BRINP3: variants seen among roughly 807,000 people sequenced by gnomAD.
The protein encoded by BRINP3 is BMP/retinoic acid-inducible neural-specific protein 3.
Under a neutral mutation model 71.0 loss-of-function variants are expected in BRINP3, and 19 were observed. The observed-to-expected ratio is 0.27, with a 90% CI of 0.19 to 0.39. BRINP3 has a LOEUF of 0.39. BRINP3 is among the 10% of genes least tolerant of loss of function. The probability of loss-of-function intolerance (pLI) is 1.00; values close to 1 mark genes in which losing one functional copy is unlikely to be tolerated. For synonymous variants in BRINP3, 380 were observed against 337.7 expected, an observed-to-expected ratio of 1.13 and a Z score of -1.37; for missense variants, 959 against 940.8, an observed-to-expected ratio of 1.02 and a Z score of -0.25.
chr1:190,315,188 A>T (rs1665799425), intron 2 of BRINP3, among the ~76,000 whole-genome samples: 1 of 152,126 alleles, frequency 6.6e-6, no homozygotes. Context: ...AAATGTAATA[A>T]AGGAAGCACA....
At chr1:190,428,943 G>A (rs1673906621) in intron 2 of BRINP3, among the ~76,000 whole-genome samples, 2 of 152,126 alleles carry the variant, frequency 1.3e-5, no homozygotes, top group Non-Finnish European at 2.9e-5. Flanking sequence ...AAAGGCCTTA[G>A]GTTTAAGATC....
At chr1:190,173,253 C>G (rs1358924045) in intron 6 of BRINP3, among the ~76,000 whole-genome samples, 2 of 152,150 alleles carry the variant, frequency 1.3e-5, no homozygotes, top group Admixed American at 1.3e-4. Flanking sequence ...CTTGCAGCAT[C>G]TGGTGTATAC....
chr1:190,208,663 T>C (rs1655725644), intron 6 of BRINP3, among the ~76,000 whole-genome samples: 1 of 151,738 alleles, frequency 6.6e-6, no homozygotes, highest in Admixed American at 6.6e-5. Flanking sequence ...CCCAGCTAAT[T>C]TTTGTATTTT....
At chr1:190,234,276 T>G in intron 5 of BRINP3, 96 bp downstream of exon 5, 2 of 711,818 alleles carry the variant, frequency 2.8e-6, no homozygotes, top group East Asian at 2.7e-5. Context: ...ATAGCCTGTA[T>G]GTATATGCAG....
intron 7 of BRINP3, among the ~76,000 whole-genome samples, chr1:190,125,033 C>T (rs780553820): frequency 6.6e-6 from 1 of 151,958 alleles, no homozygotes; most frequent in Non-Finnish European, 1.5e-5. Flanking sequence ...CCTTGTCCAA[C>T]ACCTTCATTT....
chr1:190,401,633 A>T (rs1671936334), intron 2 of BRINP3, among the ~76,000 whole-genome samples: 1 of 152,034 alleles, frequency 6.6e-6, no homozygotes, highest in Non-Finnish European at 1.5e-5. Flanking sequence ...GATGAACAAG[A>T]TCTCCAGGAC....
chr1:190,358,244 T>A (rs1668874668), intron 2 of BRINP3, among the ~76,000 whole-genome samples: 1 of 151,872 alleles, frequency 6.6e-6, no homozygotes, highest in African/African-American at 2.4e-5. Context: ...TGGGAGAAAA[T>A]TTTTGCAATC....
At chr1:190,123,927 T>C (rs1007275658) in intron 7 of BRINP3, among the ~76,000 whole-genome samples, 1 of 152,164 alleles carries the variant, frequency 6.6e-6, no homozygotes, top group Non-Finnish European at 1.5e-5. Flanking sequence ...GCCCGAGTTC[T>C]TCCCTTATTT....
At chr1:190,218,766 G>A (rs1335992285) in intron 6 of BRINP3, among the ~76,000 whole-genome samples, 1 of 151,758 alleles carries the variant, frequency 6.6e-6, no homozygotes, top group Non-Finnish European at 1.5e-5. Context: ...ATTCACCAAT[G>A]TCTGCTTCCA....
chr1:190,137,014 A>T (rs1655028382), intron 7 of BRINP3, among the ~76,000 whole-genome samples: 1 of 152,130 alleles, frequency 6.6e-6, no homozygotes, highest in Admixed American at 6.6e-5. Context: ...CAATATCTGG[A>T]TGAGTAGGTA....
chr1:190,412,663 C>G (rs1270761265), intron 2 of BRINP3, among the ~76,000 whole-genome samples: 10 of 150,850 alleles, frequency 6.6e-5, no homozygotes, highest in African/African-American at 2.4e-4. Context: ...GGGGTTTCAC[C>G]GTTTTAGCCG....
At chr1:190,332,683 G>A (rs754125485) in intron 2 of BRINP3, among the ~76,000 whole-genome samples, 1 of 151,928 alleles carries the variant, frequency 6.6e-6, no homozygotes, top group South Asian at 2.1e-4. Flanking sequence ...TGGAAATAAA[G>A]GCACATTTCT....
intron 7 of BRINP3, among the ~76,000 whole-genome samples, chr1:190,148,437 C>CA (rs1293262799): frequency 1.5e-3 from 227 of 149,648 alleles, no homozygotes; most frequent in Middle Eastern, 0.011. Context: ...ACTAAAAATA[C>CA]AAAAAAAAAC....
chr1:190,316,356 G>A (rs367570806), intron 2 of BRINP3, among the ~76,000 whole-genome samples: 6 of 152,170 alleles, frequency 3.9e-5, no homozygotes, highest in Middle Eastern at 3.4e-3. Flanking sequence ...GGTTACACTA[G>A]TTAATGTGTG....
intron 6 of BRINP3, among the ~76,000 whole-genome samples, chr1:190,218,610 T>C (rs959569598): frequency 6.6e-6 from 1 of 152,104 alleles, no homozygotes; most frequent in Non-Finnish European, 1.5e-5. Context: ...AAATATATTC[T>C]GTTGGCAATT....
intron 4 of BRINP3, among the ~76,000 whole-genome samples, chr1:190,262,571 C>A (rs1466220473): frequency 6.6e-6 from 1 of 152,126 alleles, no homozygotes; most frequent in African/African-American, 2.4e-5. Flanking sequence ...CCCCTTTCCA[C>A]CCATCTCCAG....
At chr1:190,126,129 A>G (rs942181069) in intron 7 of BRINP3, among the ~76,000 whole-genome samples, 2 of 152,030 alleles carry the variant, frequency 1.3e-5, no homozygotes, top group Non-Finnish European at 2.9e-5. Flanking sequence ...CCATTCATTG[A>G]TAATTTTATG....
intron 6 of BRINP3, chr1:190,216,866 C>T (rs550470865): frequency 6.6e-6 from 1 of 151,896 alleles, no homozygotes; most frequent in African/African-American, 2.4e-5. Flanking sequence ...AGGAAGATTT[C>T]CTAAATTCAA....
intron 7 of BRINP3, among the ~76,000 whole-genome samples, chr1:190,127,379 T>C (rs1166011489): frequency 6.6e-6 from 1 of 151,904 alleles, no homozygotes; most frequent in African/African-American, 2.4e-5. Flanking sequence ...TTATATAAAA[T>C]ACAACATATT....
Sources: allele counts gnomAD v4.1 joint callset (sites outside exome capture counted in the v4.1 genomes callset), GRCh38; gene constraint gnomAD v4.1.1; transcripts MANE v1.5; gene names NCBI Gene and HGNC (gene_info 2026-07-23, HGNC 2026-07-21).